The following PDE1C variants were observed in gnomAD, a reference collection of about 807,000 sequenced individuals.
PDE1C encodes phosphodiesterase 1C.
PDE1C carries 62 observed loss-of-function variants against 93.1 expected under a neutral mutation model. That is an observed-to-expected ratio of 0.67 (90% CI 0.54 to 0.82). The LOEUF is 0.82. Ranked by LOEUF, PDE1C falls within the 40% of genes least tolerant of loss-of-function variation. The probability of loss-of-function intolerance (pLI) is 0.00; values close to 1 mark genes in which losing one functional copy is unlikely to be tolerated. For missense variants in PDE1C, 742 were observed against 884.6 expected (o/e 0.84, Z 2.04); for synonymous variants, 325 against 310.1 (o/e 1.05, Z -0.50).
the PDE1C span, among the ~76,000 whole-genome samples, chr7:31,689,238 G>T: frequency 6.6e-6 from 1 of 152,162 alleles, no homozygotes; most frequent in Non-Finnish European, 1.5e-5. Flanking sequence ...GTGGAAAGAG[G>T]ATGTTAAAAA....
At chr7:31,870,737 T>G (rs1218332816) in intron 6 of PDE1C, among the ~76,000 whole-genome samples, 1 of 151,970 alleles carries the variant, frequency 6.6e-6, no homozygotes, top group African/African-American at 2.4e-5. Flanking sequence ...CAATTTCTCC[T>G]TCTCCCTAAC....
intron 2 of PDE1C, among the ~76,000 whole-genome samples, chr7:31,955,578 T>C (rs79887363): frequency 0.11 from 16,157 of 152,180 alleles, 1,049 homozygotes; most frequent in South Asian, 0.2. Context: ...TAAAGTATAC[T>C]GATTAATTGT....
intron 2 of PDE1C, among the ~76,000 whole-genome samples, chr7:31,963,660 T>C (rs1354429353): frequency 6.6e-6 from 1 of 152,202 alleles, no homozygotes; most frequent in Non-Finnish European, 1.5e-5. Flanking sequence ...CTTATAAGGA[T>C]TAAAAGTTGA....
At chr7:31,818,995 G>C (rs1284468155) in intron 14 of PDE1C, among the ~76,000 whole-genome samples, 1 of 152,082 alleles carries the variant, frequency 6.6e-6, no homozygotes, top group Admixed American at 6.6e-5. Context: ...GTGGCGGGGG[G>C]TATATTTCAG....
chr7:31,913,300 T>A (rs1801482085), intron 2 of PDE1C, among the ~76,000 whole-genome samples: 1 of 152,220 alleles, frequency 6.6e-6, no homozygotes, highest in South Asian at 2.1e-4. Flanking sequence ...ATGAAAATGT[T>A]GGAATGAAAT....
rs1242005317 is a variant in PDE1C, at chr7:31,966,883, C to A, written c.128+84671G>T. On this transcript the variant is annotated intron_variant, in intron 2 of 17. Coordinates refer to ENST00000396191, the MANE Select transcript of PDE1C (RefSeq NM_001191057.4). Reference sequence around the variant, plus strand: ...TACTGGGTACATAATGAAATGAAGGCAGAAATAAAGATGTTCTTTGAAACC... The same window carrying A: ...TACTGGGTACATAATGAAATGAAGGAAGAAATAAAGATGTTCTTTGAAACC... Among the ~76,000 whole-genome samples, 4 of 152,114 alleles carry A rather than the reference C, an allele frequency of 2.6e-5. No individual in the cohort carries two copies. The East Asian group carries it at 7.7e-4, about 29-fold the overall frequency.
intron 1 of PDE1C, among the ~76,000 whole-genome samples, chr7:32,368,960 A>G (rs1784276359): frequency 6.6e-6 from 1 of 152,202 alleles, no homozygotes. Context: ...GAATGAAACT[A>G]GACCCCCATA....
At chr7:31,697,332 G>T in the PDE1C span, among the ~76,000 whole-genome samples, 1 of 152,170 alleles carries the variant, frequency 6.6e-6, no homozygotes, top group African/African-American at 2.4e-5. Context: ...AAGGGTCAGA[G>T]CATTACTCAT....
rs202177489 is a variant in PDE1C, at chr7:32,378,638, G to GT, written c.310+49183dup. 9.9e-5 allele frequency among the ~76,000 whole-genome samples: 15 copies of GT among 152,224 alleles called. No individual in the cohort carries two copies. The South Asian group carries it at 3.1e-3, about 32-fold the overall frequency. The stretch of plus-strand genomic sequence containing the variant: ...TTGCCTTTTGAGATGTCTTTTCAGT[G>GT]TTTTTTGCATGTCTGACACCCATCA... On this transcript the variant is annotated intron_variant, in intron 1 of 1. Transcript: ENST00000672256.
chr7:31,825,238 A>G (rs1030913832), intron 12 of PDE1C, among the ~76,000 whole-genome samples: 1 of 152,176 alleles, frequency 6.6e-6, no homozygotes, highest in African/African-American at 2.4e-5. Flanking sequence ...ACTATAGAAC[A>G]AGCACTGTGA....
At chr7:32,012,602 G>T (rs534928087) in intron 2 of PDE1C, among the ~76,000 whole-genome samples, 1 of 152,254 alleles carries the variant, frequency 6.6e-6, no homozygotes, top group African/African-American at 2.4e-5. Context: ...CGTTGCCTGG[G>T]GATAGGCATA....
chr7:31,849,615 TG>T (rs765838789), intron 8 of PDE1C, among the ~76,000 whole-genome samples: 96 of 152,340 alleles, frequency 6.3e-4, no homozygotes, highest in Non-Finnish European at 1.2e-3. Flanking sequence ...ATTGATTTAA[TG>T]AACACAAACC....
intron 2 of PDE1C, among the ~76,000 whole-genome samples, chr7:32,005,609 C>A (rs1337577114): frequency 7.7e-6 from 1 of 130,006 alleles, no homozygotes; most frequent in Non-Finnish European, 1.6e-5. Flanking sequence ...ATCACACAAA[C>A]CTCACCAGAT....
At chr7:31,698,391 C>T in the PDE1C span, among the ~76,000 whole-genome samples, 5 of 152,158 alleles carry the variant, frequency 3.3e-5, no homozygotes, top group South Asian at 2.1e-4. Flanking sequence ...TCTATCCCTT[C>T]GTCTTCACCA....
intron 15 of PDE1C, among the ~76,000 whole-genome samples, chr7:31,815,703 G>A (rs1383021242): frequency 6.6e-6 from 1 of 152,100 alleles, no homozygotes; most frequent in Non-Finnish European, 1.5e-5. Flanking sequence ...GCTGGAAATG[G>A]CCAGAAAGGT....
chr7:32,152,851 C>T (rs979251490), intron 3 of PDE1C, among the ~76,000 whole-genome samples: 9 of 152,104 alleles, frequency 5.9e-5, no homozygotes, highest in Non-Finnish European at 1.3e-4. Flanking sequence ...GACAAAAAAA[C>T]TGTAGCCACA....
intron 1 of PDE1C, among the ~76,000 whole-genome samples, chr7:32,252,117 A>G (rs2128875956): frequency 6.6e-6 from 1 of 152,376 alleles, no homozygotes; most frequent in African/African-American, 2.4e-5. Context: ...GTATATTACA[A>G]GATCACTTAT....
At chr7:31,905,845 T>C (rs1721795254) in intron 2 of PDE1C, among the ~76,000 whole-genome samples, 1 of 152,162 alleles carries the variant, frequency 6.6e-6, no homozygotes, top group South Asian at 2.1e-4. Context: ...GTTACCCCCA[T>C]GCTATTGTTC....
At chr7:31,763,211 C>T (rs556237111) in intron 17 of PDE1C, among the ~76,000 whole-genome samples, 1 of 152,252 alleles carries the variant, frequency 6.6e-6, no homozygotes, top group South Asian at 2.1e-4. Flanking sequence ...CAACCTGCTC[C>T]CTGTTCCTGT....
Sources: allele counts gnomAD v4.1 joint callset (sites outside exome capture counted in the v4.1 genomes callset), GRCh38; gene constraint gnomAD v4.1.1; transcripts MANE v1.5; gene names NCBI Gene and HGNC (gene_info 2026-07-23, HGNC 2026-07-21).